CACNA1C: variants seen among roughly 807,000 people sequenced by gnomAD.
The protein encoded by CACNA1C is voltage-dependent L-type calcium channel subunit alpha-1C.
In CACNA1C, 30 loss-of-function variants were observed where a neutral mutation model predicts 229.0. That is an observed-to-expected ratio of 0.13 (90% CI 0.10 to 0.18). CACNA1C has a LOEUF of 0.18. Among genes scored for constraint, CACNA1C ranks in the 10% least tolerant of loss-of-function variants. CACNA1C has a pLI of 1.00. For synonymous variants in CACNA1C, 1,114 were observed against 1,132.5 expected (o/e 0.98, Z 0.33); for missense variants, 1,658 against 2,845.0 (o/e 0.58, Z 9.49).
chr12:2,360,626 A>G (rs2097534572), intron 3 of CACNA1C, among the ~76,000 whole-genome samples: 1 of 152,148 alleles, frequency 6.6e-6, no homozygotes, highest in African/African-American at 2.4e-5. Context: ...GAGTCAAGAG[A>G]TGTATCTGCC....
intron 3 of CACNA1C, among the ~76,000 whole-genome samples, chr12:2,312,298 G>A (rs1426132501): frequency 6.6e-6 from 1 of 152,190 alleles, no homozygotes; most frequent in African/African-American, 2.4e-5. Context: ...AAAGGAGAAA[G>A]ACTTCAGTAT....
intron 1 of CACNA1C, among the ~76,000 whole-genome samples, chr12:2,091,029 A>C (rs986566332): frequency 6.6e-6 from 1 of 152,182 alleles, no homozygotes; most frequent in Non-Finnish European, 1.5e-5. Context: ...AGAAATAGCT[A>C]TTCAAGTCTT....
intron 3 of CACNA1C, among the ~76,000 whole-genome samples, chr12:2,148,825 G>A (rs891435606): frequency 2.8e-5 from 4 of 140,854 alleles, no homozygotes; most frequent in South Asian, 4.5e-4. Flanking sequence ...CCCTCCCTGC[G>A]GTCTGGAGGA....
chr12:2,667,156 T>TA (rs1333445120), intron 37 of CACNA1C, among the ~76,000 whole-genome samples: 1 of 151,410 alleles, frequency 6.6e-6, no homozygotes, highest in Non-Finnish European at 1.5e-5. Flanking sequence ...AAATTTTTCA[T>TA]AAAATCACTA....
intron 5 of CACNA1C, among the ~76,000 whole-genome samples, chr12:2,482,384 G>A (rs2099679351): frequency 6.6e-6 from 1 of 152,216 alleles, no homozygotes; most frequent in South Asian, 2.1e-4. Context: ...CATGGGCTAG[G>A]AGCCAGACCA....
intron 1 of CACNA1C, chr12:1,993,155 C>A: frequency 7.1e-7 from 1 of 1,417,450 alleles, no homozygotes. Context: ...GCTGACACCC[C>A]CCATAGCCAC....
At chr12:2,074,099 C>T (rs990383127) in intron 1 of CACNA1C, among the ~76,000 whole-genome samples, 7 of 151,998 alleles carry the variant, frequency 4.6e-5, no homozygotes, top group Non-Finnish European at 7.4e-5. Flanking sequence ...TCAATCATTG[C>T]CATCAAACAA....
At chr12:2,683,567 A>C (rs2097286041) in intron 43 of CACNA1C, among the ~76,000 whole-genome samples, 1 of 152,230 alleles carries the variant, frequency 6.6e-6, no homozygotes, top group Admixed American at 6.5e-5. Context: ...AAATTGAGGC[A>C]TGGGGTTTTC....
At chr12:2,450,495 A>G (rs2099356357) in intron 4 of CACNA1C, among the ~76,000 whole-genome samples, 1 of 130,334 alleles carries the variant, frequency 7.7e-6, no homozygotes, top group Non-Finnish European at 1.6e-5. Context: ...CGGAGCTTAC[A>G]GTGAGCCGAG....
intron 1 of CACNA1C, among the ~76,000 whole-genome samples, chr12:2,035,273 T>A (rs761509266): frequency 6.6e-6 from 1 of 152,252 alleles, no homozygotes; most frequent in Non-Finnish European, 1.5e-5. Flanking sequence ...GGAGCCATTC[T>A]GGATGTTTTA....
chr12:2,519,355 C>G (rs2099805000), intron 9 of CACNA1C, among the ~76,000 whole-genome samples: 1 of 152,252 alleles, frequency 6.6e-6, no homozygotes, highest in Admixed American at 6.5e-5. Flanking sequence ...CTGCCATGCT[C>G]TAAGCTGTTG....
At chr12:2,195,766 A>T (rs2097381016) in intron 3 of CACNA1C, among the ~76,000 whole-genome samples, 1 of 152,216 alleles carries the variant, frequency 6.6e-6, no homozygotes, top group South Asian at 2.1e-4. Context: ...AGTGCTTAGG[A>T]TAGGGAATGT....
At chr12:2,218,106 T>TA (rs1248664205) in intron 3 of CACNA1C, among the ~76,000 whole-genome samples, 1 of 152,204 alleles carries the variant, frequency 6.6e-6, no homozygotes, top group Non-Finnish European at 1.5e-5. Flanking sequence ...CGGTCTCTGT[T>TA]ACTACATTTA....
At chr12:2,202,700 G>T (rs910238976) in intron 3 of CACNA1C, among the ~76,000 whole-genome samples, 3 of 152,120 alleles carry the variant, frequency 2.0e-5, no homozygotes, top group African/African-American at 7.2e-5. Flanking sequence ...TGCTTCACGT[G>T]GGAAGGAGTG....
intron 9 of CACNA1C, among the ~76,000 whole-genome samples, chr12:2,544,757 T>C (rs1201161985): frequency 6.6e-6 from 1 of 152,192 alleles, no homozygotes. Flanking sequence ...GAAGTGGTAG[T>C]TGGTTGGCGA....
At chr12:2,237,513 G>A (rs779434813) in intron 3 of CACNA1C, among the ~76,000 whole-genome samples, 2 of 152,220 alleles carry the variant, frequency 1.3e-5, no homozygotes, top group East Asian at 1.9e-4. Flanking sequence ...GCCTGGCCAC[G>A]TGATGTCTTG....
At chr12:2,314,220 A>G (rs564611822) in intron 3 of CACNA1C, among the ~76,000 whole-genome samples, 1 of 152,084 alleles carries the variant, frequency 6.6e-6, no homozygotes, top group East Asian at 1.9e-4. Flanking sequence ...GGCCCCCTAT[A>G]CTGCTCATAT....
chr12:2,512,973 A>T lies in CACNA1C; in HGVS notation c.1379A>T (p.Lys460Met). ...GAGGACGAAGGCATGGATGAGGAGA[A>T]GCCCCGAAACAGTGAGCAGCCGTCT... is the stretch of plus-strand genomic sequence containing the variant. ...ENEDEGMDEE[K>M]PRNMSMPTSE... Residue 460 changes from lysine to methionine, a missense_variant, in exon 9 of 47, where the codon AAG (lysine) becomes ATG (methionine). Coordinates refer to ENST00000399655, the MANE Select transcript of CACNA1C (RefSeq NM_000719.7). This position sits in a 1 kb window ranked among gnomAD's most constrained non-coding sequence, Gnocchi z 4.3. 6.2e-7 allele frequency: 1 copy of T among 1,603,648 alleles called. No homozygotes were observed. Among genetic ancestry groups the T allele is most frequent in the Non-Finnish European group, 8.5e-7 (1 of 1,175,084 alleles).
chr12:2,161,899 G>T (rs1056004460), intron 3 of CACNA1C, among the ~76,000 whole-genome samples: 4 of 152,194 alleles, frequency 2.6e-5, no homozygotes, highest in Non-Finnish European at 4.4e-5. Context: ...GGAAGCAGAA[G>T]CACTCAAAAA....
Sources: allele counts gnomAD v4.1 joint callset (sites outside exome capture counted in the v4.1 genomes callset), GRCh38; gene constraint gnomAD v4.1.1; non-coding constraint Gnocchi (gnomAD v3.1); transcripts MANE v1.5; gene names NCBI Gene and HGNC (gene_info 2026-07-23, HGNC 2026-07-21).